The following TMEM38B variants were observed in gnomAD, a reference collection of about 807,000 sequenced individuals.
TMEM38B encodes the protein trimeric intracellular cation channel type B.
Under a neutral mutation model 28.7 loss-of-function variants are expected in TMEM38B, and 24 were observed. The observed-to-expected ratio is 0.84, with a 90% confidence interval of 0.61 to 1.18. TMEM38B has a LOEUF of 1.18. Among genes scored for constraint, TMEM38B ranks in the 50% most tolerant of loss-of-function variants. The probability of loss-of-function intolerance (pLI) is 0.00; values close to 1 mark genes in which losing one functional copy is unlikely to be tolerated. For missense variants in TMEM38B, 380 were observed against 350.9 expected (o/e 1.08, Z -0.66); for synonymous variants, 131 against 127.7 (o/e 1.03, Z -0.17).
chr9:105,712,386 T>C (rs548011263), intron 2 of TMEM38B, among the ~76,000 whole-genome samples: 9 of 152,370 alleles, frequency 5.9e-5, no homozygotes, highest in African/African-American at 1.7e-4. Context: ...TTTAAAAAAA[T>C]GGTTAACCCT....
rs201170933 is a variant in TMEM38B, at chr9:105,694,657, C to G, written c.-4C>G. 8.7e-6 allele frequency: 14 copies of G among 1,612,408 alleles called. No homozygotes were observed. The South Asian group carries it at 1.4e-4, about 16-fold the overall frequency. ...TGCTTCGGTTGCCGCGGTCGGTGGT[C>G]GTTATGGATTCTCCATGGGACGAGT... On this transcript the variant is annotated 5_prime_UTR_variant, in exon 1 of 6. Transcript: ENST00000374692.
intron 4 of TMEM38B, among the ~76,000 whole-genome samples, chr9:105,723,840 T>TAAATAAGTCACAGATACGTTTCTCATG: frequency 6.6e-6 from 1 of 151,570 alleles, no homozygotes; most frequent in South Asian, 2.1e-4. Flanking sequence ...AACTCAGTCT[T>TAAATAAGTCACAGATACGTTTCTCATG]TATTTTGTTT....
At chr9:105,739,817 G>A (rs770335184) in intron 4 of TMEM38B, among the ~76,000 whole-genome samples, 1 of 151,264 alleles carries the variant, frequency 6.6e-6, no homozygotes, top group Non-Finnish European at 1.5e-5. Flanking sequence ...GAGCCACCAT[G>A]CCTGGCCGGT....
intron 4 of TMEM38B, among the ~76,000 whole-genome samples, chr9:105,726,953 A>G (rs1836540210): frequency 6.6e-6 from 1 of 151,946 alleles, no homozygotes; most frequent in Non-Finnish European, 1.5e-5. Flanking sequence ...TCCTTGAATT[A>G]TTATTTTTAC....
chr9:105,715,751 C>T (rs1471846936), intron 2 of TMEM38B, among the ~76,000 whole-genome samples: 1 of 151,646 alleles, frequency 6.6e-6, no homozygotes, highest in Non-Finnish European at 1.5e-5. Flanking sequence ...ATCTTTGGTT[C>T]TCAGTTTTGC....
In TMEM38B at chr9:105,773,966, T is replaced by G; in HGVS notation, c.762T>G (p.Cys254Trp). 1 of 1,613,762 alleles carries G rather than the reference T, an allele frequency of 6.2e-7. No individual in the cohort carries two copies. The highest frequency in any genetic ancestry group is 8.5e-7 in the Non-Finnish European group (1 of 1,179,784). The part of the protein sequence containing the change: ...LFGWQQPFSS[C>W]EKKSEAKSPS... ...GCTGGCAGCAGCCGTTTTCATCATG[T>G]GAGAAGAAAAGTGAAGCAAAGTCAC... The change falls in exon 6 of 6, where the codon TGT (cysteine) becomes TGG (tryptophan). Residue 254 changes from cysteine to tryptophan, a missense_variant. Physicochemically the swap from Cys to Trp is radical, Grantham distance 215. Transcript: ENST00000374692.
rs536841106 is a variant in TMEM38B, at chr9:105,763,494, A to C, written c.661-10371A>C. ...CTAGAAAATCTAGAAGAAATGGATA[A>C]ATTCCTCGACACATACACTCTCCCA... is the stretch of plus-strand genomic sequence containing the variant. On this transcript the variant is annotated intron_variant, in intron 5 of 5. Transcript: ENST00000374692. 2.6e-5 allele frequency among the ~76,000 whole-genome samples: 4 copies of C among 152,278 alleles called. No individual in the cohort carries two copies. The East Asian group carries it at 5.8e-4, about 22-fold the overall frequency.
chr9:105,705,569 C>G lies in TMEM38B; in HGVS notation c.113-28C>G, dbSNP rs2271246. On this transcript the variant is annotated intron_variant, in intron 1 of 5. Transcript: ENST00000374692. ...TTGTTTAATAAATGTATAATGATCACAGACCATATTTTACTTTACCATTTC... is the reference window on the plus strand; with the variant it reads ...TTGTTTAATAAATGTATAATGATCAGAGACCATATTTTACTTTACCATTTC... 0.088 allele frequency: 140,652 copies of G among 1,598,034 alleles called. 9,653 individuals are homozygous for G. Among genetic ancestry groups the G allele is most frequent in the East Asian group, 0.43 (19,034 of 44,560 alleles).
At chr9:105,766,068 G>C (rs1826362085) in intron 5 of TMEM38B, among the ~76,000 whole-genome samples, 1 of 152,146 alleles carries the variant, frequency 6.6e-6, no homozygotes, top group Non-Finnish European at 1.5e-5. Context: ...CCCAGTGCTG[G>C]AATTACAGGC....
chr9:105,736,846 A>G (rs1837001192), intron 4 of TMEM38B, among the ~76,000 whole-genome samples: 1 of 152,192 alleles, frequency 6.6e-6, no homozygotes, highest in Admixed American at 6.5e-5. Flanking sequence ...GTTTCTGTGC[A>G]GCTTCTTTAA....
intron 3 of TMEM38B, among the ~76,000 whole-genome samples, chr9:105,722,161 C>T (rs148710143): frequency 2.2e-4 from 34 of 151,962 alleles, no homozygotes; most frequent in Non-Finnish European, 3.4e-4. Context: ...ACATCACTTG[C>T]CTTTTTGTTT....
chr9:105,766,602 T>C (rs1476710711), intron 5 of TMEM38B, among the ~76,000 whole-genome samples: 1 of 152,176 alleles, frequency 6.6e-6, no homozygotes, highest in African/African-American at 2.4e-5. Context: ...TTTTAAATTT[T>C]GATGAAGTTT....
chr9:105,733,873 A>T lies in TMEM38B; in HGVS notation c.542+11252A>T, dbSNP rs371677509. On this transcript the variant is annotated intron_variant, in intron 4 of 5. Transcript: ENST00000374692. ...CTATCTTTTTTGCTGAGCGTAGCTA[A>T]GCATTTGTCAATTTCGTTTAGATTT... Among the ~76,000 whole-genome samples, 184 of 152,180 alleles carry T rather than the reference A, an allele frequency of 1.2e-3. 1 individual carries two copies. The highest frequency in any genetic ancestry group is 4.2e-3 in the African/African-American group (174 of 41,546).
chr9:105,758,587 T>C, intron 5 of TMEM38B: 2 of 1,028,594 alleles, frequency 1.9e-6, no homozygotes, highest in East Asian at 2.4e-5. Context: ...ATTGAAGATA[T>C]CAAAGGCAGG....
At chr9:105,743,905 C>T (rs553819830) in intron 4 of TMEM38B, among the ~76,000 whole-genome samples, 13 of 152,178 alleles carry the variant, frequency 8.5e-5, no homozygotes, top group African/African-American at 3.1e-4. Flanking sequence ...GTTATATACC[C>T]AAATATGTTT....
intron 1 of TMEM38B, 104 bp from the exon 2 acceptor site, chr9:105,705,493 A>T: frequency 8.6e-7 from 1 of 1,160,704 alleles, no homozygotes. Flanking sequence ...AGTTGTTGAA[A>T]ATTATGAATT....
intron 4 of TMEM38B, among the ~76,000 whole-genome samples, chr9:105,728,883 A>G (rs955763913): frequency 1.3e-5 from 2 of 152,144 alleles, no homozygotes; most frequent in African/African-American, 4.8e-5. Flanking sequence ...TCTTCTTTTG[A>G]GAAGGGTCTG....
chr9:105,734,071 T>C (rs778690854), intron 4 of TMEM38B, among the ~76,000 whole-genome samples: 4 of 152,108 alleles, frequency 2.6e-5, no homozygotes, highest in Non-Finnish European at 5.9e-5. Flanking sequence ...TTAATGTAGT[T>C]ATTTATTGCT....
chr9:105,776,168 A>AAAGTC lies in TMEM38B; in HGVS notation c.*2094_*2098dup, dbSNP rs1228508270. 1.3e-5 allele frequency: 2 copies of AAAGTC among 152,128 alleles called. No individual in the cohort carries two copies. Among genetic ancestry groups the AAAGTC allele is most frequent in the Non-Finnish European group, 2.9e-5 (2 of 68,020 alleles). The allele number at this position is 152,128 out of a possible 1,614,324, so 9.4% of individuals were successfully genotyped here. ...ACAGCTAATCAGAGGTGGCACTGAGAAAGTCAAGTCCTAATAGGTCTCCTT... is the reference window on the plus strand; with the variant it reads ...ACAGCTAATCAGAGGTGGCACTGAGAAAGTCAAGTCAAGTCCTAATAGGTCTCCTT... On this transcript the variant is annotated 3_prime_UTR_variant, in exon 6 of 6. Coordinates refer to ENST00000374692, the MANE Select transcript of TMEM38B (RefSeq NM_018112.3).
Sources: allele counts gnomAD v4.1 joint callset (sites outside exome capture counted in the v4.1 genomes callset), GRCh38; gene constraint gnomAD v4.1.1; transcripts MANE v1.5; gene names NCBI Gene and HGNC (gene_info 2026-07-23, HGNC 2026-07-21).